The following PRMT8 variants were observed in gnomAD, a reference collection of about 807,000 sequenced individuals.
The protein encoded by PRMT8 is protein arginine methyltransferase 8.
In PRMT8, 7 loss-of-function variants were observed where a neutral mutation model predicts 47.1. The ratio of observed to expected loss-of-function variants is 0.15; its 90% CI spans 0.08 to 0.28. PRMT8 has a LOEUF of 0.28. Ranked by LOEUF, PRMT8 falls within the 10% of genes least tolerant of loss-of-function variation. The pLI is 1.00. For missense variants in PRMT8, 237 were observed against 505.4 expected (o/e 0.47, Z 5.09); for synonymous variants, 188 against 186.5 (o/e 1.01, Z -0.07).
In PRMT8 at chr12:3,492,184, G is replaced by C. The variant is rs1263794046; in HGVS notation, c.75+484G>C. On this transcript the variant is annotated intron_variant, in intron 1 of 9. Transcript: ENST00000382622. The surrounding 1 kb of genome is among the most constrained non-coding windows in gnomAD (Gnocchi z 7.5). ...AGCTTTACCCTTCAAGCTCGAGTCG[G>C]TTCCCGAGCTCTCCGTCCCCGCAGC... Among the ~76,000 whole-genome samples, 1 of 151,960 alleles carries C rather than the reference G, an allele frequency of 6.6e-6. No homozygotes were observed. The highest frequency in any genetic ancestry group is 2.4e-5 in the African/African-American group (1 of 41,380).
intron 1 of PRMT8, among the ~76,000 whole-genome samples, chr12:3,507,184 C>G (rs904875272): frequency 1.3e-5 from 2 of 149,146 alleles, no homozygotes; most frequent in Non-Finnish European, 3.0e-5. Flanking sequence ...TGCAGTGGCG[C>G]CATCTCAGCT....
intron 1 of PRMT8, among the ~76,000 whole-genome samples, chr12:3,431,110 T>G (rs1467814620): frequency 1.3e-5 from 2 of 152,178 alleles, no homozygotes; most frequent in African/African-American, 4.8e-5. Context: ...CTAAGGAATT[T>G]AGATTTGGTT....
intron 1 of PRMT8, among the ~76,000 whole-genome samples, chr12:3,517,201 C>A (rs571215570): frequency 6.6e-6 from 1 of 152,170 alleles, no homozygotes. Flanking sequence ...ATCAGACACC[C>A]GATCTTGTAA....
intron 1 of PRMT8, among the ~76,000 whole-genome samples, chr12:3,497,393 T>A (rs1267440251): frequency 1.3e-5 from 2 of 152,188 alleles, no homozygotes; most frequent in Non-Finnish European, 1.5e-5. Flanking sequence ...TTCCCCAAAC[T>A]CCTCGAGTGT....
chr12:3,546,938 G>T (rs1444382078), intron 2 of PRMT8, among the ~76,000 whole-genome samples: 1 of 152,080 alleles, frequency 6.6e-6, no homozygotes, highest in Admixed American at 6.5e-5. Context: ...TTTTAAAAGG[G>T]TAATACATCA....
chr12:3,579,591 C>T (rs968467347), intron 7 of PRMT8, among the ~76,000 whole-genome samples: 6 of 152,116 alleles, frequency 3.9e-5, no homozygotes, highest in Non-Finnish European at 7.4e-5. Flanking sequence ...AGAAGGATGA[C>T]GATTGTCTGT....
At chr12:3,410,074 ACT>A (rs1348827738) in intron 1 of PRMT8, among the ~76,000 whole-genome samples, 1 of 151,696 alleles carries the variant, frequency 6.6e-6, no homozygotes, top group East Asian at 1.9e-4. Context: ...GTTCACCAAG[ACT>A]CTTTTTTTTC....
intron 1 of PRMT8, among the ~76,000 whole-genome samples, chr12:3,475,982 T>C (rs1865208734): frequency 6.6e-6 from 1 of 152,226 alleles, no homozygotes; most frequent in East Asian, 1.9e-4. Context: ...TATAATTTGC[T>C]AAGAAATAGC....
At chr12:3,581,923 A>T (rs553533412) in intron 7 of PRMT8, among the ~76,000 whole-genome samples, 1 of 152,296 alleles carries the variant, frequency 6.6e-6, no homozygotes, top group South Asian at 2.1e-4. Context: ...ATACATTGAG[A>T]CAAAAGCCAT....
chr12:3,562,624 G>A (rs929899293), intron 4 of PRMT8, among the ~76,000 whole-genome samples: 4 of 152,184 alleles, frequency 2.6e-5, no homozygotes, highest in South Asian at 2.1e-4. Context: ...AATTGCGTGC[G>A]CTCATCTCTT....
At chr12:3,521,746 A>G (rs1565429930) in intron 1 of PRMT8, among the ~76,000 whole-genome samples, 3 of 152,244 alleles carry the variant, frequency 2.0e-5, no homozygotes, top group Non-Finnish European at 4.4e-5. Flanking sequence ...AGTAAATTTT[A>G]CAAAAATGCT....
intron 1 of PRMT8, among the ~76,000 whole-genome samples, chr12:3,455,825 C>A (rs964445674): frequency 6.6e-6 from 1 of 152,092 alleles, no homozygotes; most frequent in Non-Finnish European, 1.5e-5. Context: ...GAACTTGAAG[C>A]TCCAAGAGGT....
intron 7 of PRMT8, among the ~76,000 whole-genome samples, chr12:3,582,244 C>T (rs116071008): frequency 1.3e-5 from 2 of 152,350 alleles, no homozygotes; most frequent in South Asian, 2.1e-4. Context: ...ACAGTGCAGA[C>T]GTCTTTCAAT....
chr12:3,582,330 G>A lies in PRMT8; in HGVS notation c.829-728G>A, dbSNP rs570403136. On this transcript the variant is annotated intron_variant, in intron 7 of 9. Transcript: ENST00000382622. ...TTCTTAAGAGTTATTAGTTCTTCAT[G>A]TTCCACGTTCCCCAGCCAGAACTGA... Among the ~76,000 whole-genome samples, 21 of 152,268 alleles carry A rather than the reference G, an allele frequency of 1.4e-4. No homozygotes were observed. In the South Asian group the frequency reaches 4.1e-3, roughly 30 times the overall value.
chr12:3,451,229 T>C (rs1864915853), intron 1 of PRMT8, among the ~76,000 whole-genome samples: 1 of 152,078 alleles, frequency 6.6e-6, no homozygotes, highest in African/African-American at 2.4e-5. Context: ...GGATTCAAGA[T>C]TTCAGGCTGG....
At chr12:3,562,111 A>G (rs1463887923) in intron 4 of PRMT8, among the ~76,000 whole-genome samples, 1 of 152,228 alleles carries the variant, frequency 6.6e-6, no homozygotes, top group Non-Finnish European at 1.5e-5. Flanking sequence ...AAAACACAAC[A>G]GCATCCGGTG....
At chr12:3,429,313 C>A (rs575040967) in intron 1 of PRMT8, among the ~76,000 whole-genome samples, 4 of 151,636 alleles carry the variant, frequency 2.6e-5, no homozygotes, top group Admixed American at 2.6e-4. Context: ...CTATTTCACA[C>A]AAAGTTACTA....
chr12:3,448,906 G>A (rs1419464901), intron 1 of PRMT8, among the ~76,000 whole-genome samples: 1 of 151,886 alleles, frequency 6.6e-6, no homozygotes, highest in African/African-American at 2.4e-5. Flanking sequence ...CACCCCCATA[G>A]GCCCCAGTGT....
chr12:3,499,210 T>C (rs1449321030), intron 1 of PRMT8, among the ~76,000 whole-genome samples: 1 of 131,074 alleles, frequency 7.6e-6, no homozygotes, highest in East Asian at 2.1e-4. Context: ...TTTTTTTTTA[T>C]TATACTCTAA....
Sources: gnomAD v4.1 joint callset for allele counts (sites outside exome capture counted in the v4.1 genomes callset) on GRCh38, gnomAD v4.1.1 for gene constraint, Gnocchi (gnomAD v3.1) non-coding constraint, MANE v1.5 for transcripts, NCBI Gene and HGNC (gene_info 2026-07-23, HGNC 2026-07-21) for gene names.